The following GRID2 variants were observed in gnomAD, a reference collection of about 807,000 sequenced individuals.
GRID2 encodes glutamate ionotropic receptor delta type subunit 2.
A neutral mutation model predicts 114.8 loss-of-function variants in GRID2; 33 were observed. The ratio of observed to expected loss-of-function variants is 0.29; its 90% CI spans 0.22 to 0.38. The LOEUF (loss-of-function observed/expected upper bound fraction) is 0.38. Among genes scored for constraint, GRID2 ranks in the 10% least tolerant of loss-of-function variants. The pLI is 1.00. For synonymous variants in GRID2, 505 were observed against 449.9 expected (o/e 1.12, Z -1.55); for missense variants, 1,184 against 1,257.7 (o/e 0.94, Z 0.89).
intron 11 of GRID2, among the ~76,000 whole-genome samples, chr4:93,466,775 A>G (rs1724316093): frequency 6.6e-6 from 1 of 152,202 alleles, no homozygotes; most frequent in Admixed American, 6.5e-5. Context: ...TATCAATACT[A>G]AAAACTAAAA....
At chr4:92,318,596 T>A (rs1726135969) in intron 1 of GRID2, among the ~76,000 whole-genome samples, 1 of 144,726 alleles carries the variant, frequency 6.9e-6, no homozygotes, top group African/African-American at 2.6e-5. Flanking sequence ...CTTACTGCAG[T>A]CTTGATCTCC....
chr4:92,730,373 A>G (rs1736275497), intron 2 of GRID2, among the ~76,000 whole-genome samples: 1 of 151,894 alleles, frequency 6.6e-6, no homozygotes. Flanking sequence ...CCCACTGAAC[A>G]GTAAAATAAA....
intron 2 of GRID2, among the ~76,000 whole-genome samples, chr4:93,014,052 T>A (rs149294794): frequency 0.015 from 2,230 of 152,134 alleles, 21 homozygotes; most frequent in East Asian, 0.053. Flanking sequence ...GTAAGATATT[T>A]GAGCACTTTG....
intron 2 of GRID2, among the ~76,000 whole-genome samples, chr4:92,870,439 G>A (rs942121255): frequency 5.3e-5 from 8 of 152,120 alleles, no homozygotes; most frequent in African/African-American, 1.7e-4. Flanking sequence ...TAAGAACGTA[G>A]TGAATAAATG....
intron 4 of GRID2, among the ~76,000 whole-genome samples, chr4:93,195,809 GT>G (rs905418558): frequency 7.9e-5 from 12 of 152,138 alleles, no homozygotes; most frequent in Non-Finnish European, 1.6e-4. Context: ...AACTCTAATT[GT>G]TTTATAGGAA....
At chr4:92,967,265 A>G (rs1011310234) in intron 2 of GRID2, among the ~76,000 whole-genome samples, 1 of 151,974 alleles carries the variant, frequency 6.6e-6, no homozygotes, top group Non-Finnish European at 1.5e-5. Context: ...TTGATTTTAT[A>G]TCACAGAAAT....
At chr4:92,725,892 A>ATAT (rs1471982756) in intron 2 of GRID2, among the ~76,000 whole-genome samples, 7 of 152,258 alleles carry the variant, frequency 4.6e-5, no homozygotes, top group African/African-American at 1.7e-4. Context: ...TAGCTTTTAT[A>ATAT]GCAGAACATA....
intron 1 of GRID2, among the ~76,000 whole-genome samples, chr4:92,386,809 C>T (rs1729982034): frequency 6.6e-6 from 1 of 151,584 alleles, no homozygotes; most frequent in South Asian, 2.1e-4. Context: ...TTTCTAGGGA[C>T]AAGAGAAGAA....
intron 4 of GRID2, among the ~76,000 whole-genome samples, chr4:93,167,306 C>A (rs1363721703): frequency 6.6e-6 from 1 of 152,130 alleles, no homozygotes; most frequent in Non-Finnish European, 1.5e-5. Context: ...TATATTGATA[C>A]AGATCTGTCT....
Position 92,632,800 on chromosome 4 carries a change from T to A in GRID2, c.244+42514T>A, listed in dbSNP as rs573358181. On this transcript the variant is annotated intron_variant, in intron 2 of 15. Transcript: ENST00000282020. ...GGAAGAAATAGCCAAAGACCATGACTACAAATTATACATTGAAAGTAGATT... is the reference window on the plus strand; with the variant it reads ...GGAAGAAATAGCCAAAGACCATGACAACAAATTATACATTGAAAGTAGATT... Among the ~76,000 whole-genome samples the A allele has an allele frequency of 2.0e-5, 3 of 152,140 alleles. No individual in the cohort carries two copies. The East Asian group carries it at 5.8e-4, about 30-fold the overall frequency.
rs536495438 is a variant in GRID2, at chr4:93,527,797, G to A, written c.2193+12386G>A. On this transcript the variant is annotated intron_variant, in intron 13 of 15. Transcript: ENST00000282020. ...ACATTTACATTATTGTGCAACCATCGCCACCATCCATCTCCACAGCCCTTT... is the reference window on the plus strand; with the variant it reads ...ACATTTACATTATTGTGCAACCATCACCACCATCCATCTCCACAGCCCTTT... 1.4e-4 allele frequency among the ~76,000 whole-genome samples: 21 copies of A among 151,892 alleles called. No individual in the cohort carries two copies. In the South Asian group the frequency reaches 3.1e-3, roughly 23 times the overall value.
At chr4:93,261,473 C>T (rs1236872903) in intron 8 of GRID2, among the ~76,000 whole-genome samples, 2 of 151,678 alleles carry the variant, frequency 1.3e-5, no homozygotes, top group Non-Finnish European at 3.0e-5. Context: ...TAATTAAGCA[C>T]TCACTCAGGC....
intron 2 of GRID2, among the ~76,000 whole-genome samples, chr4:93,025,782 A>T (rs1023022801): frequency 7.9e-5 from 12 of 151,772 alleles, no homozygotes; most frequent in Non-Finnish European, 1.8e-4. Context: ...GATAATGTAG[A>T]TGAACAAGCA....
At chr4:93,327,699 G>T (rs898486522) in intron 8 of GRID2, among the ~76,000 whole-genome samples, 3 of 151,506 alleles carry the variant, frequency 2.0e-5, no homozygotes, top group Non-Finnish European at 4.4e-5. Context: ...GTGTACACAT[G>T]GACATAGTGT....
At chr4:93,209,407 T>C (rs1743191354) in intron 5 of GRID2, among the ~76,000 whole-genome samples, 1 of 152,120 alleles carries the variant, frequency 6.6e-6, no homozygotes, top group Admixed American at 6.6e-5. Flanking sequence ...GCTCCATTCA[T>C]ATTTCTGCGA....
chr4:93,178,153 T>A (rs997986770), intron 4 of GRID2, among the ~76,000 whole-genome samples: 4 of 151,522 alleles, frequency 2.6e-5, no homozygotes, highest in Non-Finnish European at 5.9e-5. Flanking sequence ...TTATAGATTC[T>A]CCCTTACTAA....
chr4:93,541,199 C>G (rs569556240), intron 13 of GRID2, among the ~76,000 whole-genome samples: 1 of 152,070 alleles, frequency 6.6e-6, no homozygotes, highest in Non-Finnish European at 1.5e-5. Context: ...GACATTTTCC[C>G]AAAAGGCACT....
chr4:92,333,480 A>G (rs1726999754), intron 1 of GRID2, among the ~76,000 whole-genome samples: 1 of 152,062 alleles, frequency 6.6e-6, no homozygotes, highest in Non-Finnish European at 1.5e-5. Flanking sequence ...ACTGCCTTCT[A>G]TTTGTACTAA....
rs1286435180 is a variant in GRID2, at chr4:92,938,837, A to G, written c.245-146158A>G. Reference sequence around the variant, plus strand: ...GTGTTTGGTTTTTTGTCCTTGCGATAGTTTGCTAAGAATGATGGTTTCCAG... The same window carrying G: ...GTGTTTGGTTTTTTGTCCTTGCGATGGTTTGCTAAGAATGATGGTTTCCAG... On this transcript the variant is annotated intron_variant, in intron 2 of 15. Transcript: ENST00000282020. Among the ~76,000 whole-genome samples the G allele has an allele frequency of 6.9e-5, 10 of 145,288 alleles. 1 individual carries two copies. The highest frequency in any genetic ancestry group is 2.2e-4 in the African/African-American group (9 of 40,916).
Sources: allele counts gnomAD v4.1 joint callset (sites outside exome capture counted in the v4.1 genomes callset), GRCh38; gene constraint gnomAD v4.1.1; transcripts MANE v1.5; gene names NCBI Gene and HGNC (gene_info 2026-07-23, HGNC 2026-07-21).